Variants in TMEM131 observed in about 807,000 individuals in gnomAD.
TMEM131 encodes the protein transmembrane protein 131.
Under a neutral mutation model 211.6 loss-of-function variants are expected in TMEM131, and 66 were observed. The ratio of observed to expected loss-of-function variants is 0.31; its 90% CI spans 0.26 to 0.38. The LOEUF is 0.38. Among genes scored for constraint, TMEM131 ranks in the 10% least tolerant of loss-of-function variants. The pLI, the probability that TMEM131 is intolerant of heterozygous loss-of-function variation, is 1.00. For missense variants in TMEM131, 2,036 were observed against 2,299.3 expected, an observed-to-expected ratio of 0.89 and a Z score of 2.34; for synonymous variants, 844 against 841.3, an observed-to-expected ratio of 1.00 and a Z score of -0.06.
chr2:97,888,139 C>T lies in TMEM131; in HGVS notation c.291-19G>A. The T allele has an allele frequency of 6.3e-7, 1 of 1,599,504 alleles. No individual in the cohort carries two copies. On this transcript the variant is annotated intron_variant, in intron 3 of 40. Transcript: ENST00000186436. ...AGATATACTGTAAATAAAAAGAAAA[C>T]AACATAAGAAGCAATTCTTCAAAAT...
At chr2:97,822,496 G>C (rs1682174058) in intron 11 of TMEM131, among the ~76,000 whole-genome samples, 1 of 152,128 alleles carries the variant, frequency 6.6e-6, no homozygotes, top group South Asian at 2.1e-4. Flanking sequence ...ATGGGGTAAA[G>C]TCCCAACACT....
intron 9 of TMEM131, 27 bp downstream of exon 9, chr2:97,834,748 T>G: frequency 6.2e-7 from 1 of 1,609,022 alleles, no homozygotes; most frequent in Non-Finnish European, 8.5e-7. Flanking sequence ...ACAAAACAAC[T>G]TTCGATTTCA....
chr2:97,828,279 T>C (rs1039110094), intron 11 of TMEM131, among the ~76,000 whole-genome samples: 3 of 152,032 alleles, frequency 2.0e-5, no homozygotes, highest in Non-Finnish European at 2.9e-5. Flanking sequence ...AATTTCGTTA[T>C]GTATGTTAAG....
At chr2:97,951,646 T>C (rs1468893988) in intron 1 of TMEM131, among the ~76,000 whole-genome samples, 1 of 152,138 alleles carries the variant, frequency 6.6e-6, no homozygotes, top group Non-Finnish European at 1.5e-5. Flanking sequence ...TTTATGCCTG[T>C]TGGCAATTTC....
At chr2:97,761,025 G>C in intron 36 of TMEM131, 111 bp from the exon 37 acceptor site, 2 of 1,422,270 alleles carry the variant, frequency 1.4e-6, no homozygotes, top group Non-Finnish European at 1.9e-6. Flanking sequence ...CAGCGGGGCA[G>C]CTCACAGAGC....
In TMEM131 at chr2:97,985,301, T is replaced by C. The variant is rs186910478; in HGVS notation, c.187+10175A>G. Among the ~76,000 whole-genome samples, 4 of 152,174 alleles carry C rather than the reference T, an allele frequency of 2.6e-5. No individual in the cohort carries two copies. In the East Asian group the frequency reaches 7.7e-4, roughly 29 times the overall value. On this transcript the variant is annotated intron_variant, in intron 1 of 40. Coordinates refer to ENST00000186436, the MANE Select transcript of TMEM131 (RefSeq NM_015348.2). ...ACATATTAATATTAGATTGAATAAG[T>C]TGTTAATTATGTTGGACTGACAAAA...
At chr2:97,966,086 C>A (rs1367918011) in intron 1 of TMEM131, among the ~76,000 whole-genome samples, 1 of 151,268 alleles carries the variant, frequency 6.6e-6, no homozygotes, top group African/African-American at 2.4e-5. Context: ...ATCATTTTGA[C>A]AGGGGTATAT....
chr2:97,854,504 T>C (rs1279624563), intron 5 of TMEM131, among the ~76,000 whole-genome samples: 2 of 152,172 alleles, frequency 1.3e-5, no homozygotes, highest in Non-Finnish European at 2.9e-5. Flanking sequence ...ATCATCTTCT[T>C]ACCCTGGAGT....
chr2:97,966,198 G>A (rs1332003781), intron 1 of TMEM131, among the ~76,000 whole-genome samples: 1 of 151,714 alleles, frequency 6.6e-6, no homozygotes, highest in Non-Finnish European at 1.5e-5. Context: ...GCCTCACAGG[G>A]TAAATCGGCT....
chr2:97,822,886 C>T (rs528927114), intron 11 of TMEM131, among the ~76,000 whole-genome samples: 52 of 152,210 alleles, frequency 3.4e-4, no homozygotes, highest in African/African-American at 1.2e-3. Context: ...ACCAATTTGA[C>T]CCATAAACCC....
chr2:97,910,851 A>G (rs921419678), intron 2 of TMEM131, among the ~76,000 whole-genome samples: 2 of 152,118 alleles, frequency 1.3e-5, no homozygotes, highest in Admixed American at 6.6e-5. Context: ...ATAGCCTTGT[A>G]GTATAGTTTG....
chr2:97,821,385 C>T (rs899719461), intron 11 of TMEM131, among the ~76,000 whole-genome samples: 2 of 152,184 alleles, frequency 1.3e-5, no homozygotes, highest in African/African-American at 4.8e-5. Flanking sequence ...AGGACGCGGG[C>T]AGGGCCAAAT....
At chr2:97,929,673 T>C (rs1244184458) in intron 1 of TMEM131, among the ~76,000 whole-genome samples, 1 of 151,870 alleles carries the variant, frequency 6.6e-6, no homozygotes, top group Non-Finnish European at 1.5e-5. Context: ...ATTTCCTGTG[T>C]TTCTCTTCAA....
intron 1 of TMEM131, among the ~76,000 whole-genome samples, chr2:97,977,121 T>G (rs1431297704): frequency 1.3e-5 from 2 of 152,190 alleles, no homozygotes; most frequent in Admixed American, 1.3e-4. Context: ...AGAGATTTCT[T>G]AGATACGATA....
intron 1 of TMEM131, among the ~76,000 whole-genome samples, chr2:97,979,213 C>G (rs757395659): frequency 1.9e-4 from 29 of 152,178 alleles, no homozygotes; most frequent in Non-Finnish European, 3.7e-4. Flanking sequence ...AAAGCACAGG[C>G]AGAGTAGATT....
chr2:97,841,467 G>A (rs745427040), intron 7 of TMEM131, among the ~76,000 whole-genome samples: 1 of 152,154 alleles, frequency 6.6e-6, no homozygotes, highest in Admixed American at 6.6e-5. Context: ...TAAAAAACAT[G>A]GATATTGGGC....
intron 5 of TMEM131, among the ~76,000 whole-genome samples, chr2:97,857,572 T>C (rs1364854339): frequency 6.6e-6 from 1 of 152,240 alleles, no homozygotes; most frequent in Admixed American, 6.5e-5. Context: ...TTTAACTGAT[T>C]CCATTTTTAC....
At chr2:97,846,771 C>A (rs1418035246) in intron 5 of TMEM131, among the ~76,000 whole-genome samples, 1 of 152,224 alleles carries the variant, frequency 6.6e-6, no homozygotes, top group Non-Finnish European at 1.5e-5. Flanking sequence ...AGATTGGACA[C>A]TCCTGCCCTA....
chr2:97,782,777 A>G (rs1680070351), intron 31 of TMEM131, among the ~76,000 whole-genome samples: 1 of 152,140 alleles, frequency 6.6e-6, no homozygotes, highest in Non-Finnish European at 1.5e-5. Context: ...GACAATTAGG[A>G]ATTATGAGAG....
Sources: gnomAD v4.1 joint callset for allele counts (sites outside exome capture counted in the v4.1 genomes callset) on GRCh38, gnomAD v4.1.1 for gene constraint, MANE v1.5 for transcripts, NCBI Gene and HGNC (gene_info 2026-07-23, HGNC 2026-07-21) for gene names.